The following DCDC2 variants were observed in gnomAD, a reference collection of about 807,000 sequenced individuals.
The protein encoded by DCDC2 is doublecortin domain containing 2.
In DCDC2, 40 loss-of-function variants were observed where a neutral mutation model predicts 50.2. The ratio of observed to expected loss-of-function variants is 0.80; its 90% CI spans 0.62 to 1.04. The LOEUF (loss-of-function observed/expected upper bound fraction) is 1.04, where lower values mean the gene tolerates loss of function less well. Among genes scored for constraint, DCDC2 ranks in the 50% least tolerant of loss-of-function variants. The pLI is 0.00. For missense variants in DCDC2, 570 were observed against 581.9 expected (o/e 0.98, Z 0.21); for synonymous variants, 234 against 210.6 (o/e 1.11, Z -0.96).
intron 7 of DCDC2, among the ~76,000 whole-genome samples, chr6:24,248,906 C>T (rs72830841): frequency 0.095 from 14,473 of 152,136 alleles, 854 homozygotes; most frequent in East Asian, 0.17. Flanking sequence ...ACCTAATGCC[C>T]TTATTCCTTT....
intron 7 of DCDC2, among the ~76,000 whole-genome samples, chr6:24,212,294 C>T (rs1249195754): frequency 6.6e-6 from 1 of 152,158 alleles, no homozygotes; most frequent in African/African-American, 2.4e-5. Flanking sequence ...TCTGCAGTGG[C>T]CACCACAGAT....
intron 2 of DCDC2, among the ~76,000 whole-genome samples, chr6:24,314,378 T>G (rs2113847295): frequency 6.6e-6 from 1 of 152,066 alleles, no homozygotes; most frequent in Admixed American, 6.6e-5. Flanking sequence ...GAGGCTGAGG[T>G]GGGAGGATTG....
chr6:24,348,777 A>C (rs571670240), intron 2 of DCDC2, among the ~76,000 whole-genome samples: 3 of 152,250 alleles, frequency 2.0e-5, no homozygotes, highest in Admixed American at 2.0e-4. Flanking sequence ...TCCTCTGAGC[A>C]CACCTCTAGC....
intron 7 of DCDC2, among the ~76,000 whole-genome samples, chr6:24,259,397 T>A (rs558396395): frequency 1.3e-5 from 2 of 152,334 alleles, no homozygotes; most frequent in Admixed American, 1.3e-4. Context: ...AATAGTGATA[T>A]TCGCAGTCAC....
At chr6:24,379,279 C>T in the DCDC2 span, among the ~76,000 whole-genome samples, 1 of 151,992 alleles carries the variant, frequency 6.6e-6, no homozygotes, top group Non-Finnish European at 1.5e-5. Flanking sequence ...AAAATTTTTG[C>T]AATCTATCCA....
chr6:24,181,245 A>G (rs368081219), intron 8 of DCDC2, among the ~76,000 whole-genome samples: 22 of 152,230 alleles, frequency 1.4e-4, no homozygotes, highest in African/African-American at 4.6e-4. Context: ...ATTTATGAAC[A>G]TAACTCACAA....
chr6:24,314,436 C>T (rs1759626189), intron 2 of DCDC2, among the ~76,000 whole-genome samples: 1 of 151,892 alleles, frequency 6.6e-6, no homozygotes, highest in Admixed American at 6.6e-5. Context: ...TCATGCTACT[C>T]TATATATTCC....
intron 7 of DCDC2, among the ~76,000 whole-genome samples, chr6:24,251,975 C>T (rs1762803438): frequency 6.6e-6 from 1 of 152,188 alleles, no homozygotes; most frequent in Non-Finnish European, 1.5e-5. Flanking sequence ...AATGTAATAG[C>T]TTGGCATTTA....
rs937146490 is a variant in DCDC2 at position 24,356,411 on chromosome 6, G to A, written c.293+1047C>T. Among the ~76,000 whole-genome samples, 21 of 152,122 alleles carry A rather than the reference G, an allele frequency of 1.4e-4. 1 individual carries two copies. The highest frequency in any genetic ancestry group is 8.5e-4 in the Admixed American group (13 of 15,266). On this transcript the variant is annotated intron_variant, in intron 1 of 9. Transcript: ENST00000378454. ...TGGTTTCCAGATGACAGGGGACAGA[G>A]GAAACTGGGAGGTACAAATGTTTTG... is the stretch of plus-strand genomic sequence containing the variant.
chr6:24,335,501 T>A (rs1015748830), intron 2 of DCDC2, among the ~76,000 whole-genome samples: 1 of 152,144 alleles, frequency 6.6e-6, no homozygotes, highest in African/African-American at 2.4e-5. Flanking sequence ...CAACCATATG[T>A]GTCTGGCAGG....
chr6:24,359,988 G>A (rs1194184594), upstream of DCDC2, among the ~76,000 whole-genome samples: 1 of 152,202 alleles, frequency 6.6e-6, no homozygotes, highest in African/African-American at 2.4e-5. Context: ...GGAGAGGGGA[G>A]GGGAGCTCGG....
At chr6:24,271,240 G>C (rs1211499430) in intron 7 of DCDC2, among the ~76,000 whole-genome samples, 1 of 127,156 alleles carries the variant, frequency 7.9e-6, no homozygotes, top group Non-Finnish European at 1.7e-5. Context: ...GAGAGAGAGA[G>C]AAAGAAAGAA....
At chr6:24,219,549 G>A (rs148003275) in intron 7 of DCDC2, among the ~76,000 whole-genome samples, 5 of 152,156 alleles carry the variant, frequency 3.3e-5, no homozygotes, top group Non-Finnish European at 7.3e-5. Flanking sequence ...TCAGTTTAAC[G>A]GGGTGCAACT....
the DCDC2 span, among the ~76,000 whole-genome samples, chr6:24,366,019 T>C: frequency 6.6e-6 from 1 of 152,074 alleles, no homozygotes; most frequent in Non-Finnish European, 1.5e-5. Flanking sequence ...GCTTTCACCA[T>C]GTTGGCCAGG....
At chr6:24,200,728 A>C (rs1761567290) in intron 8 of DCDC2, among the ~76,000 whole-genome samples, 1 of 152,080 alleles carries the variant, frequency 6.6e-6, no homozygotes, top group South Asian at 2.1e-4. Context: ...GTCAAGACCC[A>C]TCGGTGTGCT....
At chr6:24,233,808 A>T (rs1047257657) in intron 7 of DCDC2, among the ~76,000 whole-genome samples, 2 of 152,296 alleles carry the variant, frequency 1.3e-5, no homozygotes, top group South Asian at 4.2e-4. Context: ...TGGCTAGCAG[A>T]CTCACTAATC....
At chr6:24,332,554 C>T (rs968648418) in intron 2 of DCDC2, among the ~76,000 whole-genome samples, 2 of 152,136 alleles carry the variant, frequency 1.3e-5, no homozygotes, top group African/African-American at 4.8e-5. Context: ...AAAGAAAAGG[C>T]ATCTCTGCTG....
Position 24,263,108 on chromosome 6 carries a change from T to C in DCDC2, c.922+14941A>G, listed in dbSNP as rs541239869. ...GTAATGCAGGGAATTCTCTTGGATC[T>C]TACCCCAGATCACCAAGACAGTGCT... On this transcript the variant is annotated intron_variant, in intron 7 of 9. Coordinates refer to ENST00000378454, the MANE Select transcript of DCDC2 (RefSeq NM_016356.5). Among the ~76,000 whole-genome samples the C allele has an allele frequency of 7.9e-5, 12 of 152,334 alleles. No homozygotes were observed. The South Asian group carries it at 2.3e-3, about 29-fold the overall frequency.
intron 6 of DCDC2, among the ~76,000 whole-genome samples, chr6:24,281,145 C>T (rs368027249): frequency 4.2e-4 from 63 of 151,790 alleles, no homozygotes; most frequent in Middle Eastern, 3.4e-3. Flanking sequence ...TAAAGACACT[C>T]GAAAAAGGGT....
Sources: allele counts gnomAD v4.1 joint callset (sites outside exome capture counted in the v4.1 genomes callset), GRCh38; gene constraint gnomAD v4.1.1; transcripts MANE v1.5; gene names NCBI Gene and HGNC (gene_info 2026-07-23, HGNC 2026-07-21).